The following LRFN2 variants were observed in gnomAD, a reference collection of about 807,000 sequenced individuals.
The protein encoded by LRFN2 is leucine-rich repeat and fibronectin type-III domain-containing protein 2.
A neutral mutation model predicts 37.3 loss-of-function variants in LRFN2; 18 were observed. The observed-to-expected ratio is 0.48, with a 90% CI of 0.33 to 0.72. The LOEUF (loss-of-function observed/expected upper bound fraction) is 0.72. Ranked by LOEUF, LRFN2 falls within the 30% of genes least tolerant of loss-of-function variation. The pLI, the probability that LRFN2 is intolerant of heterozygous loss-of-function variation, is 0.02. For missense variants in LRFN2, 1,006 were observed against 1,060.7 expected, an observed-to-expected ratio of 0.95 and a Z score of 0.72; for synonymous variants, 556 against 466.6, an observed-to-expected ratio of 1.19 and a Z score of -2.47.
At chr6:40,446,566 T>C (rs1387293443) in intron 1 of LRFN2, among the ~76,000 whole-genome samples, 1 of 152,242 alleles carries the variant, frequency 6.6e-6, no homozygotes, top group Non-Finnish European at 1.5e-5. Context: ...TAAGTGTATT[T>C]ATTGTGCTAC....
rs58995677 is a variant in LRFN2, at chr6:40,553,630, G to T, written c.-19+33311C>A. ...AGATCAGAGCCAGCACATAGCAAATGCTCAGGGAATTGAATAAATAAGTAA... is the reference window on the plus strand; with the variant it reads ...AGATCAGAGCCAGCACATAGCAAATTCTCAGGGAATTGAATAAATAAGTAA... On this transcript the variant is annotated intron_variant, in intron 1 of 2. Transcript: ENST00000338305. Among the ~76,000 whole-genome samples, 1,147 of 152,290 alleles carry T rather than the reference G, an allele frequency of 7.5e-3. 13 individuals carry two copies. Among genetic ancestry groups the T allele is most frequent in the African/African-American group, 0.026 (1,067 of 41,556 alleles).
chr6:40,563,761 C>A (rs1357993652), intron 1 of LRFN2, among the ~76,000 whole-genome samples: 1 of 152,164 alleles, frequency 6.6e-6, no homozygotes, highest in Non-Finnish European at 1.5e-5. Flanking sequence ...GTGGAAGTAG[C>A]TTCAGCCTCC....
intron 1 of LRFN2, among the ~76,000 whole-genome samples, chr6:40,530,903 T>C (rs545822506): frequency 3.9e-5 from 6 of 152,288 alleles, no homozygotes; most frequent in Non-Finnish European, 7.4e-5. Flanking sequence ...GGTAACTAAC[T>C]GTCAACACTG....
chr6:40,460,958 G>C (rs1197552206), intron 1 of LRFN2, among the ~76,000 whole-genome samples: 1 of 152,204 alleles, frequency 6.6e-6, no homozygotes, highest in Non-Finnish European at 1.5e-5. Context: ...GGAGAGGGTA[G>C]GCTATTGAAT....
chr6:40,496,406 A>T (rs1765228110), intron 1 of LRFN2, among the ~76,000 whole-genome samples: 1 of 152,212 alleles, frequency 6.6e-6, no homozygotes, highest in African/African-American at 2.4e-5. Flanking sequence ...TAAAAGACAC[A>T]GCCCCCACTG....
chr6:40,505,292 C>T (rs578163241), intron 1 of LRFN2, among the ~76,000 whole-genome samples: 2 of 152,302 alleles, frequency 1.3e-5, no homozygotes, highest in East Asian at 1.9e-4. Flanking sequence ...GGAATTTCAC[C>T]GTGCGTGCTC....
intron 1 of LRFN2, among the ~76,000 whole-genome samples, chr6:40,582,813 G>A (rs1465247813): frequency 1.3e-5 from 2 of 151,882 alleles, no homozygotes; most frequent in Middle Eastern, 3.2e-3. Flanking sequence ...CAAGCTGAGC[G>A]GCCCAGAACA....
chr6:40,439,039 C>A (rs1005394003), intron 1 of LRFN2, among the ~76,000 whole-genome samples: 3 of 152,266 alleles, frequency 2.0e-5, no homozygotes, highest in East Asian at 1.9e-4. Flanking sequence ...GCTTTCCCCC[C>A]AGCCAGGGGC....
In LRFN2 at chr6:40,496,587, C is replaced by T. The variant is rs138882193; in HGVS notation, c.-18-63456G>A. Among the ~76,000 whole-genome samples the T allele has an allele frequency of 2.3e-3, 352 of 152,150 alleles. 3 individuals carry two copies. Among genetic ancestry groups the T allele is most frequent in the African/African-American group, 8.0e-3 (331 of 41,514 alleles). The stretch of plus-strand genomic sequence containing the variant: ...CTTACCCTGCCCTGGTCTTCACATG[C>T]CCAGCCCTCATCATTTGGCTCTCAG... On this transcript the variant is annotated intron_variant, in intron 1 of 2. Transcript: ENST00000338305.
Position 40,518,966 on chromosome 6 carries a change from G to A in LRFN2, c.-19+67975C>T, listed in dbSNP as rs141553039. Among the ~76,000 whole-genome samples the A allele has an allele frequency of 8.3e-4, 127 of 152,240 alleles. 1 individual carries two copies. The highest frequency in any genetic ancestry group is 2.5e-3 in the African/African-American group (103 of 41,538). On this transcript the variant is annotated intron_variant, in intron 1 of 2. Transcript: ENST00000338305. The stretch of plus-strand genomic sequence containing the variant: ...CTGGGGGCAGCAGAGAGCTCAGCAC[G>A]TTCAGTGGGGGCTGAACTGAGCAGT...
chr6:40,449,781 C>T (rs1764061100), intron 1 of LRFN2, among the ~76,000 whole-genome samples: 1 of 152,146 alleles, frequency 6.6e-6, no homozygotes, highest in Non-Finnish European at 1.5e-5. Context: ...ACCCCATTTT[C>T]CCCATTGGTA....
At chr6:40,554,380 G>A (rs1054218761) in intron 1 of LRFN2, among the ~76,000 whole-genome samples, 1 of 152,318 alleles carries the variant, frequency 6.6e-6, no homozygotes, top group Admixed American at 6.5e-5. Context: ...ACTCAGGAGA[G>A]AGCTAGAATG....
chr6:40,469,280 T>C (rs556865713), intron 1 of LRFN2, among the ~76,000 whole-genome samples: 5 of 152,294 alleles, frequency 3.3e-5, no homozygotes, highest in African/African-American at 9.6e-5. Context: ...CTCCAGCACC[T>C]TGGTTTCAGA....
intron 1 of LRFN2, among the ~76,000 whole-genome samples, chr6:40,549,992 C>T (rs666236): frequency 0.12 from 18,474 of 152,008 alleles, 1,392 homozygotes; most frequent in Non-Finnish European, 0.16. Context: ...TGAGATTGTG[C>T]CATTGCACTC....
At chr6:40,456,357 GAGA>G (rs1387232643) in intron 1 of LRFN2, among the ~76,000 whole-genome samples, 1 of 152,234 alleles carries the variant, frequency 6.6e-6, no homozygotes, top group African/African-American at 2.4e-5. Flanking sequence ...AAAGCCAGAG[GAGA>G]AGGACAATGA....
chr6:40,483,362 C>T (rs1764877679), intron 1 of LRFN2, among the ~76,000 whole-genome samples: 1 of 152,188 alleles, frequency 6.6e-6, no homozygotes, highest in African/African-American at 2.4e-5. Context: ...ATTGCGCTGG[C>T]AGAGTTGGTG....
At chr6:40,463,623 A>G (rs1764393286) in intron 1 of LRFN2, among the ~76,000 whole-genome samples, 1 of 146,546 alleles carries the variant, frequency 6.8e-6, no homozygotes, top group Non-Finnish European at 1.5e-5. Flanking sequence ...ACTCCACTCC[A>G]TGTTCCCTGC....
intron 1 of LRFN2, among the ~76,000 whole-genome samples, chr6:40,505,296 C>T (rs540583535): frequency 2.6e-5 from 4 of 152,292 alleles, no homozygotes; most frequent in East Asian, 3.9e-4. Context: ...TTTCACCGTG[C>T]GTGCTCGTTT....
chr6:40,506,303 G>A (rs1367094018), intron 1 of LRFN2, among the ~76,000 whole-genome samples: 10 of 152,138 alleles, frequency 6.6e-5, no homozygotes, highest in Admixed American at 6.5e-4. Flanking sequence ...GTGGATTTCT[G>A]CTCTCTTTTC....
Sources: gnomAD v4.1 joint callset for allele counts (sites outside exome capture counted in the v4.1 genomes callset) on GRCh38, gnomAD v4.1.1 for gene constraint, MANE v1.5 for transcripts, NCBI Gene and HGNC (gene_info 2026-07-23, HGNC 2026-07-21) for gene names.